Variants in TMTC2 observed in about 807,000 individuals in gnomAD.
The protein encoded by TMTC2 is transmembrane O-mannosyltransferase targeting cadherins 2, also known as protein O-mannosyl-transferase TMTC2.
In TMTC2, 43 loss-of-function variants were observed where a neutral mutation model predicts 82.4. That is an observed-to-expected ratio of 0.52 (90% CI 0.41 to 0.67). The LOEUF is 0.67. Among genes scored for constraint, TMTC2 ranks in the 30% least tolerant of loss-of-function variants. The pLI is 0.00. For synonymous variants in TMTC2, 408 were observed against 381.9 expected, an observed-to-expected ratio of 1.07 and a Z score of -0.80; for missense variants, 919 against 1,012.4, an observed-to-expected ratio of 0.91 and a Z score of 1.25.
chr12:82,937,786 A>ATGCATATATATATATATATATATG (rs1876453719), intron 4 of TMTC2, among the ~76,000 whole-genome samples: 1 of 23,124 alleles, frequency 4.3e-5, no homozygotes, highest in Non-Finnish European at 9.9e-5. Context: ...ATATATATAT[A>ATGCATATATATATATATATATATG]TATATATATA....
chr12:82,970,838 C>T (rs928036061), intron 7 of TMTC2, among the ~76,000 whole-genome samples: 5 of 152,154 alleles, frequency 3.3e-5, no homozygotes, highest in African/African-American at 1.2e-4. Flanking sequence ...CTTTTTCTCT[C>T]AGTAACTGCA....
chr12:82,731,653 G>A (rs1874815468), intron 1 of TMTC2, among the ~76,000 whole-genome samples: 2 of 152,186 alleles, frequency 1.3e-5, no homozygotes, highest in African/African-American at 4.8e-5. Context: ...TTTATTTTAG[G>A]CAAAGTGAAG....
At chr12:82,831,107 A>C (rs1869722691) in intron 1 of TMTC2, among the ~76,000 whole-genome samples, 1 of 152,236 alleles carries the variant, frequency 6.6e-6, no homozygotes, top group Non-Finnish European at 1.5e-5. Flanking sequence ...TGTATGAGAA[A>C]TATCAAATAA....
At chr12:83,127,123 T>G (rs1265543172) in intron 11 of TMTC2, among the ~76,000 whole-genome samples, 1 of 152,094 alleles carries the variant, frequency 6.6e-6, no homozygotes, top group Non-Finnish European at 1.5e-5. Context: ...GCAAACTCAT[T>G]TAAGTTTGCA....
At chr12:83,052,609 A>G (rs945690628) in intron 10 of TMTC2, among the ~76,000 whole-genome samples, 2 of 152,184 alleles carry the variant, frequency 1.3e-5, no homozygotes, top group African/African-American at 4.8e-5. Flanking sequence ...AAATACAGAC[A>G]GGCAAATTCA....
At chr12:82,816,888 C>T (rs1474668709) in intron 1 of TMTC2, among the ~76,000 whole-genome samples, 3 of 151,704 alleles carry the variant, frequency 2.0e-5, no homozygotes, top group Non-Finnish European at 4.4e-5. Flanking sequence ...ATAGTTTAGG[C>T]TGAATTGGTG....
chr12:82,822,492 T>C (rs1461141934), intron 1 of TMTC2, among the ~76,000 whole-genome samples: 1 of 152,160 alleles, frequency 6.6e-6, no homozygotes, highest in African/African-American at 2.4e-5. Flanking sequence ...AAAAGAATAC[T>C]CTTATATAGT....
At chr12:82,752,153 T>A (rs1447338166) in intron 1 of TMTC2, among the ~76,000 whole-genome samples, 2 of 150,896 alleles carry the variant, frequency 1.3e-5, no homozygotes, top group East Asian at 1.9e-4. Context: ...GCTCCTTTTT[T>A]TTTTTTTTTT....
intron 9 of TMTC2, among the ~76,000 whole-genome samples, chr12:83,031,572 A>G (rs1379620840): frequency 2.0e-5 from 3 of 152,214 alleles, no homozygotes; most frequent in Non-Finnish European, 2.9e-5. Flanking sequence ...TAGGGAGCCA[A>G]AAAGCATTTA....
intron 8 of TMTC2, among the ~76,000 whole-genome samples, chr12:83,011,361 G>C (rs1472023809): frequency 6.6e-6 from 1 of 152,014 alleles, no homozygotes; most frequent in Admixed American, 6.6e-5. Context: ...TGTAAAATGA[G>C]GGAAAAAGCA....
intron 2 of TMTC2, among the ~76,000 whole-genome samples, chr12:82,876,083 G>GGTGGTGGTGGTGGTGGT (rs1872528742): frequency 7.7e-6 from 1 of 129,404 alleles, no homozygotes; most frequent in African/African-American, 3.6e-5. Context: ...TGATGATGGT[G>GGTGGTGGTGGTGGTGGT]ATTAGTATTC....
chr12:83,104,068 A>G (rs1197253915), intron 11 of TMTC2, among the ~76,000 whole-genome samples: 1 of 152,198 alleles, frequency 6.6e-6, no homozygotes, highest in African/African-American at 2.4e-5. Flanking sequence ...ATCTCCTTTG[A>G]CTGCATGTCC....
intron 4 of TMTC2, among the ~76,000 whole-genome samples, chr12:82,942,916 ATT>A (rs1434914067): frequency 6.6e-6 from 1 of 152,230 alleles, no homozygotes; most frequent in African/African-American, 2.4e-5. Flanking sequence ...ATGTGTGATT[ATT>A]AGTTAAAATT....
intron 7 of TMTC2, among the ~76,000 whole-genome samples, chr12:82,971,764 C>T (rs975943801): frequency 1.3e-5 from 2 of 149,458 alleles, no homozygotes; most frequent in African/African-American, 4.9e-5. Context: ...GGGTAACTGT[C>T]TTGTCATTTC....
intron 2 of TMTC2, among the ~76,000 whole-genome samples, chr12:82,869,454 ATAT>A (rs1872052175): frequency 6.6e-6 from 1 of 152,174 alleles, no homozygotes; most frequent in African/African-American, 2.4e-5. Flanking sequence ...ATGACATTAA[ATAT>A]TATAAAAATT....
Position 82,896,270 on chromosome 12 carries a change from T to G in TMTC2, c.1107T>G (p.Phe369Leu), listed in dbSNP as rs1212825804. Residue 369 changes from phenylalanine (F) to leucine (L), a missense_variant, in exon 3 of 12, where the codon TTT becomes TTG. Transcript: ENST00000321196. ...EYQNSETKSS[F>L]ASKVENGIKN... ...AGAACTCAGAGACTAAGTCCAGCTT[T>G]GCATCCAAAGTAGAAAATGGCATTA... The G allele has an allele frequency of 6.2e-7, 1 of 1,614,134 alleles. No homozygotes were observed. The highest frequency in any genetic ancestry group is 8.5e-7 in the Non-Finnish European group (1 of 1,180,032).
intron 3 of TMTC2, among the ~76,000 whole-genome samples, chr12:82,919,540 A>G (rs1187787825): frequency 6.6e-6 from 1 of 152,186 alleles, no homozygotes; most frequent in Non-Finnish European, 1.5e-5. Flanking sequence ...TAAATGAGAT[A>G]TGGGTGATGC....
intron 1 of TMTC2, among the ~76,000 whole-genome samples, chr12:82,732,976 T>A (rs545048775): frequency 9.6e-4 from 147 of 152,346 alleles, no homozygotes; most frequent in African/African-American, 3.5e-3. Context: ...GGGTTATATT[T>A]ACATAATTAC....
At chr12:83,090,891 AGCCCGGGGCCT>A in intron 11 of TMTC2, among the ~76,000 whole-genome samples, 1 of 152,354 alleles carries the variant, frequency 6.6e-6, no homozygotes, top group Middle Eastern at 3.4e-3. Context: ...TAAACGAGAT[AGCCCGGGGCCT>A]TAACATACTG....
Sources: allele counts gnomAD v4.1 joint callset (sites outside exome capture counted in the v4.1 genomes callset), GRCh38; gene constraint gnomAD v4.1.1; transcripts MANE v1.5; gene names NCBI Gene and HGNC (gene_info 2026-07-23, HGNC 2026-07-21).